Variants in ZNF345 observed in about 807,000 individuals in gnomAD.
ZNF345 encodes the protein zinc finger protein HZF10.
For missense variants in ZNF345, 527 were observed against 589.9 expected (o/e 0.89, Z 1.10); for synonymous variants, 166 against 187.9 (o/e 0.88, Z 0.95).
At chr19:36,873,653 T>A (rs475196) in intron 2 of ZNF345, among the ~76,000 whole-genome samples, 3 of 151,824 alleles carry the variant, frequency 2.0e-5, no homozygotes, top group African/African-American at 7.3e-5. Context: ...TCCCTGACAG[T>A]CCCTGGTAAC....
At chr19:36,867,615 A>G (rs1209456537) in intron 2 of ZNF345, among the ~76,000 whole-genome samples, 1 of 152,202 alleles carries the variant, frequency 6.6e-6, no homozygotes, top group Non-Finnish European at 1.5e-5. Context: ...AGAATTAGAA[A>G]TTCTGTTTTT....
downstream of ZNF345, among the ~76,000 whole-genome samples, chr19:36,881,185 A>G (rs2072965909): frequency 6.6e-6 from 1 of 152,180 alleles, no homozygotes; most frequent in East Asian, 1.9e-4. Flanking sequence ...AAAATTCAAT[A>G]TCTGAAATGC....
intron 2 of ZNF345, among the ~76,000 whole-genome samples, chr19:36,856,970 A>G (rs2072432481): frequency 6.6e-6 from 1 of 152,236 alleles, no homozygotes; most frequent in Non-Finnish European, 1.5e-5. Flanking sequence ...AATCCTATCA[A>G]TTAGATATAA....
At chr19:36,858,147 G>A (rs959577483) in intron 2 of ZNF345, 3 of 152,138 alleles carry the variant, frequency 2.0e-5, no homozygotes, top group African/African-American at 7.2e-5. Flanking sequence ...GATTTAATTG[G>A]TCTGGGGTAT....
At chr19:36,875,983 A>C (rs2072874604) in intron 2 of ZNF345, among the ~76,000 whole-genome samples, 1 of 152,130 alleles carries the variant, frequency 6.6e-6, no homozygotes. Context: ...CAGGATATTT[A>C]TATATCTTCA....
chr19:36,876,859 A>G lies in ZNF345; in HGVS notation c.29A>G (p.Glu10Gly). ...GAAAACCTTACAAAACACAGCATTG[A>G]GTGTTCAAGTTTCAGAGGTGATTGG... is the stretch of plus-strand genomic sequence containing the variant. MENLTKHSI[E>G]CSSFRGDWEC... The change falls in exon 3 of 3, where the codon GAG becomes GGG. Residue 10 changes from glutamate (E) to glycine (G), a missense_variant. Transcript: ENST00000420450. The G allele has an allele frequency of 1.2e-6, 2 of 1,612,908 alleles. No individual in the cohort carries two copies. Among genetic ancestry groups the G allele is most frequent in the Non-Finnish European group, 1.7e-6 (2 of 1,179,402 alleles).
chr19:36,879,533 C>G lies in ZNF345; in HGVS notation c.*1236C>G, dbSNP rs536014507. On this transcript the variant is annotated 3_prime_UTR_variant, in exon 3 of 3. Transcript: ENST00000420450. ...GTATTCACCTGTCTTTATCAAACCC[C>G]AATTTTGTCAAATATTAAAAATTTT... 1 of 167,018 alleles carries G rather than the reference C, an allele frequency of 6.0e-6. No homozygotes were observed. Among genetic ancestry groups the G allele is most frequent in the South Asian group, 2.1e-4 (1 of 4,822 alleles). 10.3% of individuals were successfully genotyped at this position (167,018 alleles called of 1,614,324 possible). A position where few individuals can be genotyped will look rare whatever the true frequency, so the allele number is the denominator to read the frequency against.
chr19:36,882,075 T>C (rs563130009), downstream of ZNF345, among the ~76,000 whole-genome samples: 1 of 152,134 alleles, frequency 6.6e-6, no homozygotes, highest in East Asian at 1.9e-4. Flanking sequence ...AAAAACCTTA[T>C]CTGGGTTTTC....
At position 36,892,797 on chromosome 19, in the gene ZNF345, T is replaced by A. The variant is rs1012126936; in HGVS notation, c.47-21T>A. 7.3e-4 allele frequency: 398 copies of A among 545,230 alleles called. 1 individual carries two copies. Among genetic ancestry groups the A allele is most frequent in the South Asian group, 1.8e-3 (22 of 11,978 alleles). The allele number at this position is 545,230 out of a possible 1,614,324, so 33.8% of individuals were successfully genotyped here. Reference sequence around the variant, plus strand: ...AGAGATTCTAATTAAAAAAAAAAAATTTTTTTTGCCCCCACCCCAGATCCC... The same window carrying A: ...AGAGATTCTAATTAAAAAAAAAAAAATTTTTTTGCCCCCACCCCAGATCCC... On this transcript the variant is annotated intron_variant, in intron 3 of 3. Coordinates refer to the ZNF345 transcript ENST00000526123.
intron 1 of ZNF345, 34 bp from the exon 2 acceptor site, chr19:36,851,796 C>T (rs1380301988): frequency 1.3e-5 from 2 of 152,444 alleles, no homozygotes; most frequent in Admixed American, 6.5e-5. Context: ...CTCAGAAGAA[C>T]CTGATGTTTC....
At chr19:36,871,295 T>C (rs1443194685) in intron 2 of ZNF345, among the ~76,000 whole-genome samples, 1 of 152,190 alleles carries the variant, frequency 6.6e-6, no homozygotes, top group Non-Finnish European at 1.5e-5. Context: ...ATTACATTGA[T>C]AACTAAAGTT....
At chr19:36,850,380 CCA>C (rs2072235522), upstream of ZNF345, 1 of 152,256 alleles carries the variant, frequency 6.6e-6, no homozygotes, top group African/African-American at 2.4e-5. Context: ...AAAGCTTGCC[CCA>C]GAGGACTTAA....
intron 2 of ZNF345, among the ~76,000 whole-genome samples, chr19:36,876,203 A>G (rs952276580): frequency 2.6e-5 from 4 of 152,176 alleles, no homozygotes; most frequent in Non-Finnish European, 4.4e-5. Flanking sequence ...TTCCCTCTCC[A>G]TAGCTCATTC....
intron 2 of ZNF345, among the ~76,000 whole-genome samples, chr19:36,853,589 C>G (rs2072337432): frequency 6.6e-6 from 1 of 152,192 alleles, no homozygotes; most frequent in East Asian, 1.9e-4. Context: ...TTTACACCAC[C>G]TGGAATTTTT....
downstream of ZNF345, among the ~76,000 whole-genome samples, chr19:36,882,804 A>G (rs937548624): frequency 4.0e-5 from 6 of 151,894 alleles, no homozygotes; most frequent in African/African-American, 1.4e-4. Flanking sequence ...AATACATTTT[A>G]TAGATATATG....
intron 3 of ZNF345, among the ~76,000 whole-genome samples, chr19:36,887,105 T>C (rs1050935603): frequency 6.6e-6 from 1 of 151,460 alleles, no homozygotes; most frequent in Non-Finnish European, 1.5e-5. Context: ...ACTGCAGAGA[T>C]TGCAGTGAGC....
chr19:36,862,887 C>G (rs930039028), intron 2 of ZNF345: 1 of 151,900 alleles, frequency 6.6e-6, no homozygotes, highest in East Asian at 1.9e-4. Flanking sequence ...AAGGTGAGTA[C>G]TCATTCGACC....
chr19:36,859,091 T>TAA (rs1427896078), intron 2 of ZNF345, among the ~76,000 whole-genome samples: 2 of 142,990 alleles, frequency 1.4e-5, no homozygotes, highest in African/African-American at 5.2e-5. Context: ...AGTCTTCTTT[T>TAA]TAAAAAAAAA....
chr19:36,891,396 G>A, intron 3 of ZNF345: 1 of 1,277,224 alleles, frequency 7.8e-7, no homozygotes, highest in African/African-American at 1.5e-5. Flanking sequence ...GAATACATAG[G>A]AGAACCTTTG....
Sources: allele counts gnomAD v4.1 joint callset (sites outside exome capture counted in the v4.1 genomes callset), GRCh38; gene constraint gnomAD v4.1.1; transcripts MANE v1.5; gene names NCBI Gene and HGNC (gene_info 2026-07-23, HGNC 2026-07-21).